Variants in ARHGAP35 observed in about 807,000 individuals in gnomAD.
ARHGAP35 encodes the protein rho GTPase-activating protein 35.
ARHGAP35 carries 15 observed loss-of-function variants against 111.1 expected under a neutral mutation model. The ratio of observed to expected loss-of-function variants is 0.13; its 90% CI spans 0.09 to 0.21. The LOEUF is 0.21. Ranked by LOEUF, ARHGAP35 falls within the 10% of genes least tolerant of loss-of-function variation. The probability of loss-of-function intolerance (pLI) is 1.00; values close to 1 mark genes in which losing one functional copy is unlikely to be tolerated. For missense variants in ARHGAP35, 1,262 were observed against 1,873.0 expected (o/e 0.67, Z 6.02); for synonymous variants, 643 against 710.3 (o/e 0.91, Z 1.51).
intron 1 of ARHGAP35, among the ~76,000 whole-genome samples, chr19:46,874,190 G>A (rs2055903387): frequency 6.6e-6 from 1 of 152,192 alleles, no homozygotes; most frequent in South Asian, 2.1e-4. Flanking sequence ...TAGAGGTAGA[G>A]GTCTAGGTAT....
In ARHGAP35 at chr19:46,922,081, A is replaced by G. The variant is rs1432165249; in HGVS notation, c.3406A>G (p.Ser1136Gly). Residue 1136 changes from serine (S) to glycine (G), a missense_variant, in exon 2 of 7, where the codon AGT becomes GGT. By Grantham distance (56) the Ser-to-Gly change is moderately conservative. Coordinates refer to ENST00000672722, the MANE Select transcript of ARHGAP35 (RefSeq NM_004491.5). The surrounding 1 kb of genome is among the most constrained non-coding windows in gnomAD (Gnocchi z 4.0). ...CAACGGCAGCGGGAATGGTTCTGACAGTGAAATGGACACCAGCTCTCTAGA... is the reference window on the plus strand; with the variant it reads ...CAACGGCAGCGGGAATGGTTCTGACGGTGAAATGGACACCAGCTCTCTAGA... ...QSNGSGNGSD[S>G]EMDTSSLERG... 6.2e-7 allele frequency: 1 copy of G among 1,614,080 alleles called. No homozygotes were observed. Among genetic ancestry groups the G allele is most frequent in the African/African-American group, 1.3e-5 (1 of 75,070 alleles).
intron 1 of ARHGAP35, among the ~76,000 whole-genome samples, chr19:46,892,370 G>C (rs1239668971): frequency 6.7e-6 from 1 of 150,170 alleles, no homozygotes; most frequent in Non-Finnish European, 1.5e-5. Context: ...AGCTACTTGG[G>C]AGGTTGAGGT....
Position 46,999,429 on chromosome 19 carries a change from G to A in ARHGAP35, c.4142+20G>A. ...AAACAAGTAAGTCGCAGGGCCTTCT[G>A]GTTGGTTTTTCCTCCTGAAAATTGA... On this transcript the variant is annotated intron_variant, in intron 6 of 6. Coordinates refer to ENST00000672722, the MANE Select transcript of ARHGAP35 (RefSeq NM_004491.5). The surrounding 1 kb of genome is among the most constrained non-coding windows in gnomAD (Gnocchi z 5.4). 1 of 1,524,478 alleles carries A rather than the reference G, an allele frequency of 6.6e-7. No homozygotes were observed. Among genetic ancestry groups the A allele is most frequent in the Non-Finnish European group, 8.9e-7 (1 of 1,120,110 alleles). The allele number at this position is 1,524,478 out of a possible 1,614,324, so 94.4% of individuals were successfully genotyped here.
rs758716231 is a variant in ARHGAP35, at chr19:46,921,791, C to T, written c.3116C>T (p.Pro1039Leu). 31 of 1,613,956 alleles carry T rather than the reference C, an allele frequency of 1.9e-5. No homozygotes were observed. The highest frequency in any genetic ancestry group is 5.0e-5 in the Admixed American group (3 of 60,016). The change falls in exon 2 of 7, where the codon CCG becomes CTG. Residue 1039 changes from proline to leucine, a missense_variant. Physicochemically the swap from Pro to Leu is moderately conservative, Grantham distance 98. Around this residue, in one of 8 missense-constraint regions of ARHGAP35, gnomAD observed 579 missense variants for 716.9 expected, o/e 0.81. Coordinates refer to ENST00000672722, the MANE Select transcript of ARHGAP35 (RefSeq NM_004491.5). The surrounding 1 kb of genome is among the most constrained non-coding windows in gnomAD (Gnocchi z 4.3). Reference sequence around the variant, plus strand: ...AGTAAACTGAACAACAAAGTACCTCCGCCAGTCAAACCAAAGCCTCCTGTC... The same window carrying T: ...AGTAAACTGAACAACAAAGTACCTCTGCCAGTCAAACCAAAGCCTCCTGTC... Reference protein sequence around the residue: ...FESKLNNKVPPPVKPKPPVHF... With the variant: ...FESKLNNKVPLPVKPKPPVHF...
intron 1 of ARHGAP35, among the ~76,000 whole-genome samples, chr19:46,880,848 G>GT (rs971855783): frequency 1.2e-4 from 18 of 146,302 alleles, no homozygotes; most frequent in East Asian, 8.0e-4. Context: ...ACTAATTTTT[G>GT]TTTTTTTTTA....
At chr19:46,980,890 A>C (rs2056617171) in intron 3 of ARHGAP35, among the ~76,000 whole-genome samples, 1 of 152,240 alleles carries the variant, frequency 6.6e-6, no homozygotes, top group Admixed American at 6.5e-5. Flanking sequence ...CTCATTAAAT[A>C]CATACCACCA....
At position 47,001,547 on chromosome 19, in the gene ARHGAP35, G is replaced by T; in HGVS notation, c.*859G>T. The T allele has an allele frequency of 3.8e-6, 2 of 528,846 alleles. No individual in the cohort carries two copies. The highest frequency in any genetic ancestry group is 6.9e-5 in the East Asian group (1 of 14,554). The allele number at this position is 528,846 out of a possible 1,614,324, so 32.8% of individuals were successfully genotyped here. On this transcript the variant is annotated 3_prime_UTR_variant, in exon 7 of 7. Transcript: ENST00000672722. The surrounding 1 kb of genome is among the most constrained non-coding windows in gnomAD (Gnocchi z 5.4). ...CAAAACCAGGATGCCTGGAGCTGTG[G>T]CCTGAGGGCCTGCTGGGGTCCCACT...
rs374385673 is a variant in ARHGAP35, at chr19:46,922,235, G to A, written c.3560G>A (p.Arg1187Gln). The change falls in exon 2 of 7, where the codon CGG becomes CAG. Residue 1187 changes from arginine (R) to glutamine (Q), a missense_variant. By Grantham distance (43) the Arg-to-Gln change is conservative. This residue lies in a region of ARHGAP35 where 579 missense variants were observed against 716.9 expected (regional missense o/e 0.81). Transcript: ENST00000672722. This position sits in a 1 kb window ranked among gnomAD's most constrained non-coding sequence, Gnocchi z 4.0. ...AGTGATGATGAGCTGGGGCCCATCC[G>A]GAAGAAAGAGGAGGATCAGGCATCC... ...VGSDDELGPI[R>Q]KKEEDQASQG... is the part of the protein sequence containing the mutation. 1.2e-6 allele frequency: 2 copies of A among 1,613,962 alleles called. No homozygotes were observed. Among genetic ancestry groups the A allele is most frequent in the Non-Finnish European group, 1.7e-6 (2 of 1,179,888 alleles).
chr19:46,940,485 G>A (rs928029973), intron 3 of ARHGAP35, among the ~76,000 whole-genome samples: 10 of 151,448 alleles, frequency 6.6e-5, no homozygotes, highest in South Asian at 2.1e-4. Context: ...CCGAGATCAC[G>A]CCACTGCACT....
intron 1 of ARHGAP35, among the ~76,000 whole-genome samples, chr19:46,871,660 C>T (rs952572567): frequency 6.6e-5 from 10 of 150,992 alleles, no homozygotes; most frequent in African/African-American, 1.7e-4. Context: ...TTTTAAGAAA[C>T]GTACAATCCT....
chr19:46,931,589 A>G (rs2056273243), intron 2 of ARHGAP35, among the ~76,000 whole-genome samples: 1 of 152,208 alleles, frequency 6.6e-6, no homozygotes, highest in Admixed American at 6.5e-5. Flanking sequence ...CTTTGCCATG[A>G]TTAATATCAA....
intron 1 of ARHGAP35, among the ~76,000 whole-genome samples, chr19:46,893,931 A>C (rs1219254016): frequency 1.0e-5 from 1 of 96,236 alleles, no homozygotes; most frequent in African/African-American, 4.0e-5. Flanking sequence ...CTCTGCCATT[A>C]TTCTTAAATA....
At chr19:46,928,214 C>T (rs991849668) in intron 2 of ARHGAP35, among the ~76,000 whole-genome samples, 1 of 152,138 alleles carries the variant, frequency 6.6e-6, no homozygotes, top group African/African-American at 2.4e-5. Context: ...CCTTAGCTTA[C>T]AGCATACCTG....
chr19:46,953,864 G>A (rs1419038754), intron 3 of ARHGAP35, among the ~76,000 whole-genome samples: 1 of 152,162 alleles, frequency 6.6e-6, no homozygotes, highest in Admixed American at 6.5e-5. Context: ...ACCTTCACAC[G>A]GTGTCGTGCC....
intron 3 of ARHGAP35, among the ~76,000 whole-genome samples, chr19:46,984,555 A>C (rs2056638714): frequency 6.6e-6 from 1 of 152,096 alleles, no homozygotes; most frequent in Admixed American, 6.5e-5. Context: ...TTGATGTCTA[A>C]TTAGTAGTTA....
At position 47,000,778 on chromosome 19, in the gene ARHGAP35, G is replaced by A. The variant is rs2056743745; in HGVS notation, c.*90G>A. On this transcript the variant is annotated 3_prime_UTR_variant, in exon 7 of 7. Transcript: ENST00000672722. This position sits in a 1 kb window ranked among gnomAD's most constrained non-coding sequence, Gnocchi z 6.9. ...AACAAAACCAAGTCCACTGGGGACA[G>A]AGGCAGGGGCAAGTGGCTCTCCCCA... The A allele has an allele frequency of 5.2e-6, 8 of 1,539,614 alleles. No homozygotes were observed. Among genetic ancestry groups the A allele is most frequent in the Non-Finnish European group, 7.0e-6 (8 of 1,141,202 alleles).
intron 2 of ARHGAP35, among the ~76,000 whole-genome samples, chr19:46,934,274 A>T (rs1172198657): frequency 6.6e-6 from 1 of 152,214 alleles, no homozygotes; most frequent in Non-Finnish European, 1.5e-5. Context: ...TTAAAAAAAA[A>T]TAGGAAACAT....
At chr19:46,903,345 G>A (rs1429203228) in intron 1 of ARHGAP35, among the ~76,000 whole-genome samples, 10 of 152,068 alleles carry the variant, frequency 6.6e-5, no homozygotes, top group East Asian at 5.8e-4. Flanking sequence ...GGTGATGTAC[G>A]TTGTTGTGCA....
intron 2 of ARHGAP35, among the ~76,000 whole-genome samples, chr19:46,929,511 A>G (rs2056258951): frequency 1.4e-5 from 2 of 139,350 alleles, no homozygotes; most frequent in Non-Finnish European, 3.1e-5. Context: ...GGCTCTGTGT[A>G]TTGATTTCAC....
Sources: gnomAD v4.1 joint callset for allele counts (sites outside exome capture counted in the v4.1 genomes callset) on GRCh38, gnomAD v4.1.1 for gene constraint, gnomAD v4.1.1 regional missense constraint, Gnocchi (gnomAD v3.1) non-coding constraint, MANE v1.5 for transcripts, NCBI Gene and HGNC (gene_info 2026-07-23, HGNC 2026-07-21) for gene names.